TRHDE: variants seen among roughly 807,000 people sequenced by gnomAD.
TRHDE encodes the protein thyrotropin-releasing hormone-degrading ectoenzyme.
A neutral mutation model predicts 125.7 loss-of-function variants in TRHDE; 72 were observed. The observed-to-expected ratio is 0.57, with a 90% CI of 0.47 to 0.70. The LOEUF (loss-of-function observed/expected upper bound fraction) is 0.70, where lower values mean the gene tolerates loss of function less well. Ranked by LOEUF, TRHDE falls within the 30% of genes least tolerant of loss-of-function variation. TRHDE has a pLI of 0.00. For missense variants in TRHDE, 1,110 were observed against 1,327.1 expected (o/e 0.84, Z 2.54); for synonymous variants, 509 against 509.1 (o/e 1.00, Z 0.00).
intron 3 of TRHDE, among the ~76,000 whole-genome samples, chr12:72,424,714 A>C (rs1186227513): frequency 2.0e-5 from 3 of 152,120 alleles, no homozygotes; most frequent in Admixed American, 2.0e-4. Flanking sequence ...ATAAACTTTC[A>C]TCACTATTCA....
chr12:72,651,458 T>G (rs1471500768), intron 15 of TRHDE, among the ~76,000 whole-genome samples: 5 of 152,012 alleles, frequency 3.3e-5, no homozygotes, highest in Non-Finnish European at 7.4e-5. Context: ...ACTGCCACAT[T>G]CAAATTATTA....
intron 3 of TRHDE, among the ~76,000 whole-genome samples, chr12:72,407,258 A>C (rs558029322): frequency 6.6e-6 from 1 of 152,326 alleles, no homozygotes; most frequent in East Asian, 1.9e-4. Context: ...TCTGACTTGC[A>C]TGTGAGAAAA....
intron 8 of TRHDE, 47 bp downstream of exon 8, chr12:72,562,277 G>T: frequency 4.9e-6 from 5 of 1,014,092 alleles, no homozygotes; most frequent in South Asian, 3.1e-5. Context: ...TTGAATATTT[G>T]AATTGCATTT....
chr12:72,296,440 A>G (rs1880302224), intron 2 of TRHDE, among the ~76,000 whole-genome samples: 1 of 152,208 alleles, frequency 6.6e-6, no homozygotes, highest in South Asian at 2.1e-4. Flanking sequence ...CTGAGGAGAA[A>G]TGGGATGGTT....
At chr12:72,340,519 C>T (rs905934307) in intron 2 of TRHDE, among the ~76,000 whole-genome samples, 1 of 152,138 alleles carries the variant, frequency 6.6e-6, no homozygotes, top group Admixed American at 6.6e-5. Context: ...GTGCCTACTT[C>T]TCTCTTACAT....
rs941876404 is a variant in TRHDE, at chr12:72,273,730, C to A, written c.914+173C>A. On this transcript the variant is annotated intron_variant, in intron 1 of 18. Coordinates refer to ENST00000261180, the MANE Select transcript of TRHDE (RefSeq NM_013381.3). The surrounding 1 kb of genome is among the most constrained non-coding windows in gnomAD (Gnocchi z 5.3). ...CAGAACTCCGGGGTCTCCCAGATGC[C>A]TCGGGGTCTCGCTGCCGCCAACTTC... 2.4e-5 allele frequency: 14 copies of A among 592,990 alleles called. No individual in the cohort carries two copies. The highest frequency in any genetic ancestry group is 1.5e-4 in the South Asian group (6 of 40,692). The allele number at this position is 592,990 out of a possible 1,614,324, so 36.7% of individuals were successfully genotyped here.
At chr12:72,404,929 T>C (rs1472026306) in intron 3 of TRHDE, among the ~76,000 whole-genome samples, 1 of 152,224 alleles carries the variant, frequency 6.6e-6, no homozygotes, top group Non-Finnish European at 1.5e-5. Context: ...GTAAATCACA[T>C]AGACCAATAC....
chr12:72,598,105 CAA>C, intron 12 of TRHDE, among the ~76,000 whole-genome samples: 1 of 151,644 alleles, frequency 6.6e-6, no homozygotes, highest in South Asian at 2.1e-4. Context: ...AAAAGGAAAA[CAA>C]AGAAAAAACT....
intron 4 of TRHDE, among the ~76,000 whole-genome samples, chr12:72,472,596 C>T (rs1221687340): frequency 6.6e-6 from 1 of 152,110 alleles, no homozygotes; most frequent in African/African-American, 2.4e-5. Flanking sequence ...TGCTCACTAC[C>T]TTTCAAGGAA....
Position 72,122,861 on chromosome 12 carries a change from A to T in TRHDE, n.279+17109A>T, listed in dbSNP as rs575986369. Reference sequence around the variant, plus strand: ...TTTTAAAAAATATATTTAAATACGTAGTACACAGCCTTTTAAAACATACCT... The same window carrying T: ...TTTTAAAAAATATATTTAAATACGTTGTACACAGCCTTTTAAAACATACCT... On this transcript the variant is annotated intron_variant and non_coding_transcript_variant, in intron 2 of 4. Transcript: ENST00000548156. 6.6e-5 allele frequency among the ~76,000 whole-genome samples: 10 copies of T among 152,264 alleles called. No individual in the cohort carries two copies. The East Asian group carries it at 1.9e-3, about 29-fold the overall frequency.
chr12:72,306,916 T>A (rs1221438585), intron 2 of TRHDE, among the ~76,000 whole-genome samples: 1 of 152,146 alleles, frequency 6.6e-6, no homozygotes, highest in African/African-American at 2.4e-5. Flanking sequence ...GACCTTGGGA[T>A]ATCTGGGGAA....
chr12:72,087,333 C>G (rs569680215), exon 1 of TRHDE: 1 of 152,138 alleles, frequency 6.6e-6, no homozygotes, highest in Non-Finnish European at 1.5e-5. Context: ...CTTACCTTAT[C>G]ACATTAGAGC....
intron 3 of TRHDE, among the ~76,000 whole-genome samples, chr12:72,407,461 T>G (rs1381904423): frequency 6.6e-6 from 1 of 152,176 alleles, no homozygotes; most frequent in Non-Finnish European, 1.5e-5. Context: ...AGAACGCTAG[T>G]GTGGAGTCAT....
chr12:72,146,928 A>G (rs1876241418), intron 2 of TRHDE, among the ~76,000 whole-genome samples: 1 of 152,182 alleles, frequency 6.6e-6, no homozygotes, highest in African/African-American at 2.4e-5. Flanking sequence ...AGCCGGAAGA[A>G]GGGATGGGGT....
At chr12:72,244,633 C>T (rs144847104) in intron 2 of TRHDE, among the ~76,000 whole-genome samples, 66 of 151,962 alleles carry the variant, frequency 4.3e-4, no homozygotes, top group African/African-American at 1.5e-3. Context: ...TTAATGTCCC[C>T]ATAAAATTTT....
At chr12:72,458,128 A>G (rs1365153091) in intron 3 of TRHDE, among the ~76,000 whole-genome samples, 1 of 152,148 alleles carries the variant, frequency 6.6e-6, no homozygotes, top group Non-Finnish European at 1.5e-5. Context: ...GATGGTGCTA[A>G]TATATGTGAT....
intron 3 of TRHDE, among the ~76,000 whole-genome samples, chr12:72,465,357 C>T (rs1015549845): frequency 2.6e-5 from 4 of 152,106 alleles, no homozygotes; most frequent in Admixed American, 1.3e-4. Context: ...AGTTTCCCAT[C>T]GCTATCTTCT....
intron 2 of TRHDE, among the ~76,000 whole-genome samples, chr12:72,301,396 A>G (rs912535367): frequency 6.6e-6 from 1 of 152,158 alleles, no homozygotes; most frequent in Non-Finnish European, 1.5e-5. Context: ...CAGTCCTTTT[A>G]CCTTACTTTC....
intron 2 of TRHDE, among the ~76,000 whole-genome samples, chr12:72,352,676 A>T (rs558217871): frequency 6.6e-6 from 1 of 151,884 alleles, no homozygotes; most frequent in East Asian, 1.9e-4. Flanking sequence ...TTTAGGGTTC[A>T]TTGCATAGAT....
Sources: gnomAD v4.1 joint callset for allele counts (sites outside exome capture counted in the v4.1 genomes callset) on GRCh38, gnomAD v4.1.1 for gene constraint, Gnocchi (gnomAD v3.1) non-coding constraint, MANE v1.5 for transcripts, NCBI Gene and HGNC (gene_info 2026-07-23, HGNC 2026-07-21) for gene names.